The following PTPRM variants were observed in gnomAD, a reference collection of about 807,000 sequenced individuals.
PTPRM encodes protein tyrosine phosphatase receptor type M.
PTPRM carries 47 observed loss-of-function variants against 186.7 expected under a neutral mutation model. The observed-to-expected ratio is 0.25, with a 90% CI of 0.20 to 0.32. The LOEUF is 0.32. Among genes scored for constraint, PTPRM ranks in the 10% least tolerant of loss-of-function variants. PTPRM has a pLI of 1.00. For synonymous variants in PTPRM, 668 were observed against 674.9 expected, an observed-to-expected ratio of 0.99 and a Z score of 0.16; for missense variants, 1,494 against 1,865.0, an observed-to-expected ratio of 0.80 and a Z score of 3.66.
chr18:7,572,809 A>G (rs2143361682), intron 1 of PTPRM, among the ~76,000 whole-genome samples: 1 of 152,360 alleles, frequency 6.6e-6, no homozygotes, highest in Non-Finnish European at 1.5e-5. Flanking sequence ...TTATTTTATA[A>G]GCGAGGGAAG....
intron 14 of PTPRM, among the ~76,000 whole-genome samples, chr18:8,166,890 C>G (rs969182359): frequency 1.3e-5 from 2 of 152,114 alleles, no homozygotes; most frequent in African/African-American, 4.8e-5. Context: ...TAAAATAGAC[C>G]TAGGCAAAGA....
chr18:8,307,084 CG>C (rs2095229722), intron 20 of PTPRM, among the ~76,000 whole-genome samples: 1 of 152,142 alleles, frequency 6.6e-6, no homozygotes, highest in South Asian at 2.1e-4. Flanking sequence ...AGAGAGGACG[CG>C]TAAGAATCTG....
intron 14 of PTPRM, among the ~76,000 whole-genome samples, chr18:8,195,348 G>GTT (rs2093763040): frequency 1.3e-5 from 2 of 151,998 alleles, no homozygotes; most frequent in Non-Finnish European, 2.9e-5. Flanking sequence ...TGTTAGGATG[G>GTT]ATGTGTGGAT....
Position 7,828,361 on chromosome 18 carries a change from C to T in PTPRM, c.196+54090C>T, listed in dbSNP as rs574687867. ...TGTTGGTGTGCTGCACCCATTAACT[C>T]GTCATTTAACATTAGGTATGTCTCC... is the stretch of plus-strand genomic sequence containing the variant. On this transcript the variant is annotated intron_variant, in intron 2 of 32. Transcript: ENST00000580170. Among the ~76,000 whole-genome samples the T allele has an allele frequency of 2.5e-3, 378 of 151,774 alleles. 1 individual carries two copies. Among genetic ancestry groups the T allele is most frequent in the African/African-American group, 8.7e-3 (361 of 41,314 alleles).
At chr18:7,655,101 G>T (rs1444308186) in intron 1 of PTPRM, among the ~76,000 whole-genome samples, 2 of 152,180 alleles carry the variant, frequency 1.3e-5, no homozygotes, top group East Asian at 3.8e-4. Context: ...ATTTTTTCCA[G>T]TTGTTCATGT....
chr18:8,384,716 T>G, intron 30 of PTPRM, 30 bp downstream of exon 30: 1 of 1,611,742 alleles, frequency 6.2e-7, no homozygotes, highest in Non-Finnish European at 8.5e-7. Flanking sequence ...TGCCTGTGAT[T>G]ATGGTTTCAT....
At chr18:8,368,033 T>C (rs2095642571) in intron 23 of PTPRM, among the ~76,000 whole-genome samples, 1 of 152,090 alleles carries the variant, frequency 6.6e-6, no homozygotes, top group South Asian at 2.1e-4. Context: ...TTCAGAGAAA[T>C]AAATGAATTT....
At chr18:8,291,348 A>T (rs533049490) in intron 19 of PTPRM, among the ~76,000 whole-genome samples, 1 of 152,204 alleles carries the variant, frequency 6.6e-6, no homozygotes, top group Non-Finnish European at 1.5e-5. Context: ...CCTCCCAGAG[A>T]CCAGAAGCCA....
intron 1 of PTPRM, among the ~76,000 whole-genome samples, chr18:7,726,541 T>A (rs1399582976): frequency 6.6e-6 from 1 of 152,160 alleles, no homozygotes. Context: ...TCAGTAGAGG[T>A]TTATGAATAA....
At chr18:7,752,254 C>T (rs1369567785) in intron 1 of PTPRM, among the ~76,000 whole-genome samples, 3 of 152,084 alleles carry the variant, frequency 2.0e-5, no homozygotes, top group Non-Finnish European at 4.4e-5. Flanking sequence ...TTTGTGTCTT[C>T]GGGATCTGAT....
At chr18:7,606,405 T>G (rs541603910) in intron 1 of PTPRM, among the ~76,000 whole-genome samples, 11 of 152,256 alleles carry the variant, frequency 7.2e-5, no homozygotes, top group Non-Finnish European at 1.5e-4. Flanking sequence ...GGGATTTGGC[T>G]TCTTTTTCTC....
rs200022785 is a variant in PTPRM, at chr18:8,376,168, G to C, written c.3294G>C (p.Pro1098=). ...TGCGGCAAGTCAAGTCCAAGAGCCC[G>C]CCCAGTGCAGGCCCACTGGTGGTGC... ...GFVRQVKSKS[P]PSAGPLVVHC... The change falls in exon 25 of 33, where the codon CCG becomes CCC. Residue 1098 remains proline (P), a synonymous_variant. Transcript: ENST00000580170. 2 of 1,613,328 alleles carry C rather than the reference G, an allele frequency of 1.2e-6. No individual in the cohort carries two copies. Among genetic ancestry groups the C allele is most frequent in the East Asian group, 2.2e-5 (1 of 44,862 alleles).
At chr18:7,786,738 T>G (rs996287696) in intron 2 of PTPRM, among the ~76,000 whole-genome samples, 2 of 152,232 alleles carry the variant, frequency 1.3e-5, no homozygotes, top group African/African-American at 2.4e-5. Flanking sequence ...AAAACATCCC[T>G]TAGTTCCTGA....
intron 14 of PTPRM, among the ~76,000 whole-genome samples, chr18:8,188,318 C>G (rs538447543): frequency 6.6e-6 from 1 of 152,346 alleles, no homozygotes; most frequent in East Asian, 1.9e-4. Flanking sequence ...TTTAGTCCTT[C>G]CCTGTGGCAG....
chr18:8,000,984 C>T (rs1023682525), intron 7 of PTPRM, among the ~76,000 whole-genome samples: 4 of 152,178 alleles, frequency 2.6e-5, no homozygotes, highest in Non-Finnish European at 5.9e-5. Context: ...TGGAACATTG[C>T]AGGCACCTAG....
Position 7,966,868 on chromosome 18 carries a change from G to C in PTPRM, c.1132+11454G>C, listed in dbSNP as rs1177741164. On this transcript the variant is annotated intron_variant, in intron 7 of 32. Transcript: ENST00000580170. ...TGAGATCAAACCGCAAGGCGGCAGC[G>C]AGGCTGGGGGAGGGGCGCCCACCAT... is the stretch of plus-strand genomic sequence containing the variant. 8.6e-5 allele frequency among the ~76,000 whole-genome samples: 11 copies of C among 127,586 alleles called. 1 individual carries two copies. The highest frequency in any genetic ancestry group is 2.3e-4 in the African/African-American group (9 of 39,312). 83.7% of individuals were successfully genotyped at this position (127,586 alleles called of 152,430 possible).
intron 14 of PTPRM, among the ~76,000 whole-genome samples, chr18:8,181,966 G>C (rs1417137486): frequency 6.6e-6 from 1 of 152,066 alleles, no homozygotes; most frequent in Non-Finnish European, 1.5e-5. Context: ...ATTTGTTGGG[G>C]GTCTTTAATT....
chr18:8,017,866 A>AACC, intron 7 of PTPRM: 1 of 152,200 alleles, frequency 6.6e-6, no homozygotes, highest in African/African-American at 2.4e-5. Context: ...GTAAATAGGG[A>AACC]ACTGTGCTTG....
intron 14 of PTPRM, among the ~76,000 whole-genome samples, chr18:8,198,700 A>G (rs985424706): frequency 6.6e-6 from 1 of 152,074 alleles, no homozygotes; most frequent in Non-Finnish European, 1.5e-5. Context: ...ACGGCTTTCC[A>G]CCTTACCCTT....
Sources: gnomAD v4.1 joint callset for allele counts (sites outside exome capture counted in the v4.1 genomes callset) on GRCh38, gnomAD v4.1.1 for gene constraint, MANE v1.5 for transcripts, NCBI Gene and HGNC (gene_info 2026-07-23, HGNC 2026-07-21) for gene names.